Variants in PPP4R4 observed in about 807,000 individuals in gnomAD.
PPP4R4 encodes serine/threonine-protein phosphatase 4 regulatory subunit 4.
In PPP4R4, 70 loss-of-function variants were observed where a neutral mutation model predicts 121.8. That is an observed-to-expected ratio of 0.57 (90% CI 0.47 to 0.70). The LOEUF (loss-of-function observed/expected upper bound fraction) is 0.70. Among genes scored for constraint, PPP4R4 ranks in the 30% least tolerant of loss-of-function variants. The pLI is 0.00. For synonymous variants in PPP4R4, 348 were observed against 355.7 expected (o/e 0.98, Z 0.24); for missense variants, 875 against 1,033.6 (o/e 0.85, Z 2.10).
intron 3 of PPP4R4, chr14:94,227,233 C>T (rs1255066108): frequency 2.1e-6 from 3 of 1,429,482 alleles, no homozygotes; most frequent in Non-Finnish European, 2.9e-6. Context: ...TGGTAACTGG[C>T]TTAAGGCATG....
At position 94,250,279 on chromosome 14, in the gene PPP4R4, T is replaced by C; in HGVS notation, c.1717+2T>C. On this transcript the variant is annotated splice_donor_variant, in intron 15 of 24. Coordinates refer to ENST00000304338, the MANE Select transcript of PPP4R4 (RefSeq NM_058237.2). LOFTEE classifies it high-confidence loss of function. ...AGGTCATTCAAAAATTAATTGAACG[T>C]AAGTAATCATTGTCTACTATTTTGA... 6.4e-7 allele frequency: 1 copy of C among 1,569,684 alleles called. No individual in the cohort carries two copies. Among genetic ancestry groups the C allele is most frequent in the Non-Finnish European group, 8.8e-7 (1 of 1,140,824 alleles).
At chr14:94,178,736 A>G (rs1219736276) in intron 2 of PPP4R4, among the ~76,000 whole-genome samples, 4 of 152,232 alleles carry the variant, frequency 2.6e-5, no homozygotes, top group Non-Finnish European at 5.9e-5. Flanking sequence ...CATCTGTGGC[A>G]TTTAGCACTG....
chr14:94,178,583 A>G (rs1478083188), intron 2 of PPP4R4, among the ~76,000 whole-genome samples: 4 of 152,106 alleles, frequency 2.6e-5, no homozygotes, highest in African/African-American at 9.7e-5. Context: ...TAAAAAACAA[A>G]TTATACTGTT....
In PPP4R4 at chr14:94,256,458, A is replaced by G. The variant is rs1893479124; in HGVS notation, c.1866-2A>G. Reference sequence around the variant, plus strand: ...TCAAGAGTAAATACTATTTTATTGTAGAATGAAACTTTGCTACCTGTTGCC... The same window carrying G: ...TCAAGAGTAAATACTATTTTATTGTGGAATGAAACTTTGCTACCTGTTGCC... On this transcript the variant is annotated splice_acceptor_variant, in intron 16 of 24. Coordinates refer to ENST00000304338, the MANE Select transcript of PPP4R4 (RefSeq NM_058237.2). LOFTEE classifies it high-confidence loss of function. 6.3e-7 allele frequency: 1 copy of G among 1,577,380 alleles called. No individual in the cohort carries two copies.
At chr14:94,268,145 C>A (rs1232477606) in intron 23 of PPP4R4, among the ~76,000 whole-genome samples, 1 of 152,142 alleles carries the variant, frequency 6.6e-6, no homozygotes, top group African/African-American at 2.4e-5. Flanking sequence ...TACTAAGGAA[C>A]ATTCAGAGTT....
chr14:94,255,699 TTG>T (rs1306963066), intron 16 of PPP4R4, among the ~76,000 whole-genome samples: 3 of 152,236 alleles, frequency 2.0e-5, no homozygotes, highest in Non-Finnish European at 4.4e-5. Flanking sequence ...GCCTGAATTA[TTG>T]TAAGAGCTTT....
chr14:94,274,114 TC>T (rs1419525273), intron 23 of PPP4R4, among the ~76,000 whole-genome samples: 1 of 152,110 alleles, frequency 6.6e-6, no homozygotes, highest in African/African-American at 2.4e-5. Flanking sequence ...GACTTTCCGT[TC>T]CTGTGAATCT....
At chr14:94,197,061 A>G (rs1201106257) in intron 2 of PPP4R4, among the ~76,000 whole-genome samples, 1 of 151,868 alleles carries the variant, frequency 6.6e-6, no homozygotes. Context: ...GTTGTTTTGT[A>G]TAGTGTTCGA....
chr14:94,207,708 ATC>A (rs1890533944), intron 2 of PPP4R4, among the ~76,000 whole-genome samples: 1 of 151,472 alleles, frequency 6.6e-6, no homozygotes, highest in African/African-American at 2.4e-5. Flanking sequence ...ATATCTATCT[ATC>A]TATATATATA....
intron 5 of PPP4R4, among the ~76,000 whole-genome samples, 180 bp downstream of exon 5, chr14:94,231,495 A>G (rs1327270361): frequency 1.3e-5 from 2 of 152,182 alleles, no homozygotes; most frequent in Non-Finnish European, 2.9e-5. Context: ...AAGAATTCAT[A>G]GCTCTGTACT....
At chr14:94,196,601 AC>A (rs940303280) in intron 2 of PPP4R4, among the ~76,000 whole-genome samples, 2 of 152,114 alleles carry the variant, frequency 1.3e-5, no homozygotes, top group African/African-American at 4.8e-5. Context: ...GGCATGAGCC[AC>A]TGTGCCTGGC....
At chr14:94,176,212 T>C in intron 2 of PPP4R4, 85 bp downstream of exon 2, 1 of 1,155,030 alleles carries the variant, frequency 8.7e-7, no homozygotes, top group Admixed American at 1.7e-5. Context: ...ATGTTCGCGT[T>C]ATGTTCAGAT....
chr14:94,183,332 A>G (rs532240602), intron 2 of PPP4R4, among the ~76,000 whole-genome samples: 1 of 152,320 alleles, frequency 6.6e-6, no homozygotes, highest in East Asian at 1.9e-4. Context: ...TGGAAATTGC[A>G]GGCATCTTCA....
intron 2 of PPP4R4, among the ~76,000 whole-genome samples, chr14:94,197,329 G>A (rs1017029960): frequency 2.6e-5 from 4 of 152,148 alleles, no homozygotes; most frequent in South Asian, 2.1e-4. Flanking sequence ...CCATTCACAC[G>A]TGGCATGCAT....
chr14:94,269,174 C>T (rs6575404), intron 23 of PPP4R4, among the ~76,000 whole-genome samples: 47,082 of 151,980 alleles, frequency 0.31, 8,341 homozygotes, highest in African/African-American at 0.48. Context: ...TCTTATTTGT[C>T]GGACTCAAAA....
intron 3 of PPP4R4, among the ~76,000 whole-genome samples, chr14:94,211,352 C>T (rs1385469581): frequency 6.6e-6 from 1 of 152,128 alleles, no homozygotes; most frequent in East Asian, 1.9e-4. Context: ...AACGAGGGCA[C>T]CTGCTGTGCA....
At chr14:94,246,566 C>T in intron 14 of PPP4R4, 27 bp downstream of exon 14, 3 of 1,572,884 alleles carry the variant, frequency 1.9e-6, no homozygotes, top group Non-Finnish European at 2.6e-6. Context: ...TCATCTTATT[C>T]TTTTGAACTC....
chr14:94,179,066 A>C (rs1368402038), intron 2 of PPP4R4, among the ~76,000 whole-genome samples: 1 of 152,206 alleles, frequency 6.6e-6, no homozygotes, highest in East Asian at 1.9e-4. Context: ...AAATGGCTTT[A>C]CTGAGATATA....
At chr14:94,275,587 C>T (rs1045899111) in intron 24 of PPP4R4, 66 bp downstream of exon 24, 29 of 1,530,884 alleles carry the variant, frequency 1.9e-5, no homozygotes, top group Non-Finnish European at 2.5e-5. Flanking sequence ...CACTTTCCTT[C>T]CCACTTAAGT....
Sources: allele counts gnomAD v4.1 joint callset (sites outside exome capture counted in the v4.1 genomes callset), GRCh38; gene constraint gnomAD v4.1.1; transcripts MANE v1.5; gene names NCBI Gene and HGNC (gene_info 2026-07-23, HGNC 2026-07-21).